UCMA: variants seen among roughly 807,000 people sequenced by gnomAD.
UCMA encodes the protein upper zone of growth plate and cartilage matrix-associated protein.
A neutral mutation model predicts 21.8 loss-of-function variants in UCMA; 21 were observed. The ratio of observed to expected loss-of-function variants is 0.97; its 90% CI spans 0.68 to 1.39. The LOEUF is 1.39. Ranked by LOEUF, UCMA falls within the 40% of genes most tolerant of loss-of-function variation. UCMA has a pLI of 0.00. For synonymous variants in UCMA, 76 were observed against 67.9 expected (o/e 1.12, Z -0.58); for missense variants, 193 against 178.9 (o/e 1.08, Z -0.45).
In UCMA at chr10:13,232,236, G is replaced by T. The variant is rs564936901; in HGVS notation, c.220+1302C>A. Among the ~76,000 whole-genome samples, 25 of 152,154 alleles carry T rather than the reference G, an allele frequency of 1.6e-4. No homozygotes were observed. The South Asian group carries it at 5.0e-3, about 30-fold the overall frequency. ...AAAAATACAAAAATTAGCAGGCGTG[G>T]TGGCAGGCATCTGTAATTCCAGCTA... On this transcript the variant is annotated intron_variant, in intron 3 of 4. Coordinates refer to ENST00000378681, the MANE Select transcript of UCMA (RefSeq NM_145314.3).
At chr10:13,229,769 A>G (rs1834875443) in intron 3 of UCMA, 60 bp from the exon 4 acceptor site, 1 of 1,416,654 alleles carries the variant, frequency 7.1e-7, no homozygotes, top group African/African-American at 1.4e-5. Flanking sequence ...AGGGGCACAC[A>G]CTTAGGGGAG....
intron 4 of UCMA, among the ~76,000 whole-genome samples, chr10:13,222,433 G>A (rs757097614): frequency 9.2e-5 from 14 of 152,312 alleles, no homozygotes; most frequent in South Asian, 8.3e-4. Flanking sequence ...GACCAGGGCC[G>A]GGCATCTCAG....
At chr10:13,231,967 G>T (rs916257627) in intron 3 of UCMA, among the ~76,000 whole-genome samples, 1 of 152,090 alleles carries the variant, frequency 6.6e-6, no homozygotes, top group Non-Finnish European at 1.5e-5. Flanking sequence ...CACAATCCTG[G>T]GTGTTCACCA....
intron 4 of UCMA, among the ~76,000 whole-genome samples, chr10:13,228,071 T>A (rs934421398): frequency 2.4e-4 from 36 of 151,694 alleles, no homozygotes; most frequent in African/African-American, 8.0e-4. Context: ...TTTTCTTTTT[T>A]TTTTCTGAGA....
intron 4 of UCMA, among the ~76,000 whole-genome samples, chr10:13,225,279 A>T (rs1834809783): frequency 6.6e-6 from 1 of 151,754 alleles, no homozygotes; most frequent in Admixed American, 6.6e-5. Context: ...GGCCTCCAAA[A>T]GTCCTGGGAC....
chr10:13,222,243 C>T, intron 4 of UCMA, 43 bp from the exon 5 acceptor site: 1 of 1,580,152 alleles, frequency 6.3e-7, no homozygotes, highest in Non-Finnish European at 8.6e-7. Flanking sequence ...CAGGGGGACT[C>T]TGACCTGCCA....
At chr10:13,227,205 C>T (rs1478421708) in intron 4 of UCMA, among the ~76,000 whole-genome samples, 1 of 152,204 alleles carries the variant, frequency 6.6e-6, no homozygotes, top group African/African-American at 2.4e-5. Context: ...GCCTGCAGCA[C>T]CTGACCCAGG....
In UCMA at chr10:13,229,665, A is replaced by G. The variant is rs1180839395; in HGVS notation, c.265T>C (p.Tyr89His). Residue 89 changes from tyrosine (Y) to histidine (H), a missense_variant, in exon 4 of 5, where the codon TAT becomes CAT. Coordinates refer to ENST00000378681, the MANE Select transcript of UCMA (RefSeq NM_145314.3). ...AATTCATTCCTTTGTTCCTCGTAATATTCTCTCCGCAGCTCATCAACCCGA... is the reference window on the plus strand; with the variant it reads ...AATTCATTCCTTTGTTCCTCGTAATGTTCTCTCCGCAGCTCATCAACCCGA... The part of the protein sequence containing the change: ...KLRVDELRRE[Y>H]YEEQRNEFEN... 6.8e-6 allele frequency: 11 copies of G among 1,614,002 alleles called. No homozygotes were observed. Among genetic ancestry groups the G allele is most frequent in the Non-Finnish European group, 9.3e-6 (11 of 1,180,020 alleles).
intron 3 of UCMA, among the ~76,000 whole-genome samples, chr10:13,231,011 C>T (rs941236083): frequency 2.0e-5 from 3 of 152,204 alleles, no homozygotes; most frequent in African/African-American, 4.8e-5. Flanking sequence ...CACGCCACTG[C>T]ACTCCAGCCT....
At position 13,222,012 on chromosome 10, in the gene UCMA, G is replaced by A; in HGVS notation, c.*91C>T. ...TGCAGACCCCAAGCTGAGACCCTCT[G>A]AAGGGCCGGTTTGCATGGGAAAGAT... On this transcript the variant is annotated 3_prime_UTR_variant, in exon 5 of 5. Coordinates refer to ENST00000378681, the MANE Select transcript of UCMA (RefSeq NM_145314.3). 5.7e-6 allele frequency: 8 copies of A among 1,407,356 alleles called. No homozygotes were observed. Among genetic ancestry groups the A allele is most frequent in the East Asian group, 2.3e-5 (1 of 43,412 alleles). The allele number at this position is 1,407,356 out of a possible 1,614,324, so 87.2% of individuals were successfully genotyped here.
Position 13,229,604 on chromosome 10 carries a change from C to G in UCMA, c.319+7G>C. 2 of 1,613,226 alleles carry G rather than the reference C, an allele frequency of 1.2e-6. No homozygotes were observed. Among genetic ancestry groups the G allele is most frequent in the Non-Finnish European group, 1.7e-6 (2 of 1,179,316 alleles). ...CTCCCTGAAGACACTGGCTGAAGAG[C>G]TCTTACCATCGTTTTGTTCCTCCAC... On this transcript the variant is annotated splice_region_variant and intron_variant, in intron 4 of 4. Coordinates refer to ENST00000378681, the MANE Select transcript of UCMA (RefSeq NM_145314.3).
intron 4 of UCMA, 52 bp downstream of exon 4, chr10:13,229,559 A>T (rs752094093): frequency 2.1e-5 from 31 of 1,496,408 alleles, no homozygotes; most frequent in Middle Eastern, 3.5e-4. Flanking sequence ...AAACCATGTG[A>T]TTTCTCCCCA....
intron 3 of UCMA, among the ~76,000 whole-genome samples, chr10:13,230,971 T>C (rs1240362354): frequency 1.3e-5 from 2 of 151,988 alleles, no homozygotes; most frequent in African/African-American, 4.8e-5. Flanking sequence ...GCAGGAGAAT[T>C]GCTTGAACCG....
chr10:13,229,738 C>T (rs773840629), intron 3 of UCMA, 29 bp from the exon 4 acceptor site: 81 of 1,603,934 alleles, frequency 5.1e-5, no homozygotes, highest in Non-Finnish European at 6.5e-5. Flanking sequence ...CAAGAGTTGC[C>T]CCTCAAGAAT....
intron 4 of UCMA, among the ~76,000 whole-genome samples, chr10:13,224,510 T>G (rs1162357053): frequency 6.6e-6 from 1 of 152,208 alleles, no homozygotes; most frequent in Non-Finnish European, 1.5e-5. Context: ...GTCAAAGATG[T>G]TGGAAGGATG....
chr10:13,233,842 G>C lies in UCMA; in HGVS notation c.59-42C>G, dbSNP rs200707193. The C allele has an allele frequency of 6.8e-6, 11 of 1,611,170 alleles. No homozygotes were observed. The South Asian group carries it at 1.2e-4, about 18-fold the overall frequency. On this transcript the variant is annotated intron_variant, in intron 1 of 4. Coordinates refer to ENST00000378681, the MANE Select transcript of UCMA (RefSeq NM_145314.3). Reference sequence around the variant, plus strand: ...CAGAGTGAGGCTGCAGCATCAGAGGGGAGCCCAGACCCTGAGCTGAGTCCC... The same window carrying C: ...CAGAGTGAGGCTGCAGCATCAGAGGCGAGCCCAGACCCTGAGCTGAGTCCC...
At chr10:13,231,785 T>G (rs1834902049) in intron 3 of UCMA, among the ~76,000 whole-genome samples, 1 of 152,228 alleles carries the variant, frequency 6.6e-6, no homozygotes, top group Non-Finnish European at 1.5e-5. Flanking sequence ...CACCCTAAAG[T>G]AACTTCACCT....
intron 4 of UCMA, among the ~76,000 whole-genome samples, chr10:13,228,966 A>T (rs1039608417): frequency 6.6e-5 from 10 of 150,704 alleles, no homozygotes; most frequent in Non-Finnish European, 1.2e-4. Context: ...ATGGAGTTTC[A>T]CTCTTGTTGC....
Position 13,221,957 on chromosome 10 carries a change from G to C in UCMA, c.*146C>G, listed in dbSNP as rs925880038. Reference sequence around the variant, plus strand: ...ACACTTTCACACACTGGAAGGAAAGGCATGCGTCTTTTCAAGAGCTGCTGG... The same window carrying C: ...ACACTTTCACACACTGGAAGGAAAGCCATGCGTCTTTTCAAGAGCTGCTGG... On this transcript the variant is annotated 3_prime_UTR_variant, in exon 5 of 5. Transcript: ENST00000378681. The C allele has an allele frequency of 7.7e-5, 56 of 728,056 alleles. No homozygotes were observed. The highest frequency in any genetic ancestry group is 1.3e-4 in the Non-Finnish European group (54 of 429,634). 45.1% of individuals were successfully genotyped at this position (728,056 alleles called of 1,614,324 possible).
Sources: gnomAD v4.1 joint callset for allele counts (sites outside exome capture counted in the v4.1 genomes callset) on GRCh38, gnomAD v4.1.1 for gene constraint, MANE v1.5 for transcripts, NCBI Gene and HGNC (gene_info 2026-07-23, HGNC 2026-07-21) for gene names.